Variants in RGS6 observed in about 807,000 individuals in gnomAD.
RGS6 encodes the protein regulator of G-protein signaling 6.
Under a neutral mutation model 78.5 loss-of-function variants are expected in RGS6, and 30 were observed. That is an observed-to-expected ratio of 0.38 (90% CI 0.29 to 0.52). The LOEUF (loss-of-function observed/expected upper bound fraction) is 0.52, where lower values mean the gene tolerates loss of function less well. RGS6 is among the 20% of genes least tolerant of loss of function. RGS6 has a pLI of 0.85. For synonymous variants in RGS6, 206 were observed against 206.0 expected, an observed-to-expected ratio of 1.00 and a Z score of 0.00; for missense variants, 495 against 609.7, an observed-to-expected ratio of 0.81 and a Z score of 1.98.
intron 2 of RGS6, among the ~76,000 whole-genome samples, chr14:72,204,242 T>C (rs73299145): frequency 0.026 from 4,008 of 152,312 alleles, 83 homozygotes; most frequent in Middle Eastern, 0.11. Context: ...AACTTGAAGC[T>C]ACAGTGTTTT....
intron 15 of RGS6, among the ~76,000 whole-genome samples, chr14:72,526,888 G>A (rs183649922): frequency 1.4e-4 from 21 of 152,328 alleles, no homozygotes; most frequent in South Asian, 6.2e-4. Flanking sequence ...TGCAAGAACC[G>A]TGCTGAAGAA....
At chr14:71,875,875 T>C in the RGS6 span, among the ~76,000 whole-genome samples, 27 of 152,338 alleles carry the variant, frequency 1.8e-4, no homozygotes, top group African/African-American at 6.3e-4. Context: ...AAAGAACATC[T>C]TTATTTCTGC....
At chr14:72,167,610 T>A (rs536442666) in intron 2 of RGS6, among the ~76,000 whole-genome samples, 3 of 152,340 alleles carry the variant, frequency 2.0e-5, no homozygotes, top group South Asian at 2.1e-4. Flanking sequence ...CAGATAATAC[T>A]TTTTGATCTT....
intron 1 of RGS6, among the ~76,000 whole-genome samples, chr14:71,942,703 G>C (rs549580039): frequency 6.6e-6 from 1 of 152,294 alleles, no homozygotes; most frequent in South Asian, 2.1e-4. Context: ...AAATACCCCA[G>C]TTAGAACTTT....
rs559441537 is a variant in RGS6 at position 71,982,460 on chromosome 14, TAATC to T, written c.84+17588_84+17591del. On this transcript the variant is annotated intron_variant, in intron 2 of 17. Transcript: ENST00000553525. ...CAGTCAAAATAGGAATGGATTACCT[TAATC>T]AAGTCAGACACAAAGATTACTTGTA... 6.6e-4 allele frequency among the ~76,000 whole-genome samples: 100 copies of T among 152,358 alleles called. 4 individuals are homozygous for T. The South Asian group carries it at 0.02, about 31-fold the overall frequency.
intron 2 of RGS6, among the ~76,000 whole-genome samples, chr14:72,237,571 C>T (rs534123558): frequency 7.9e-4 from 120 of 152,294 alleles, no homozygotes; most frequent in Non-Finnish European, 1.0e-3. Flanking sequence ...ATTACATAAT[C>T]GCTAATTGTT....
chr14:72,178,760 A>T (rs2097137769), intron 2 of RGS6, among the ~76,000 whole-genome samples: 1 of 152,138 alleles, frequency 6.6e-6, no homozygotes, highest in Admixed American at 6.5e-5. Flanking sequence ...GACAAAACAG[A>T]GTGTTAGTAG....
chr14:71,890,686 A>G, the RGS6 span, among the ~76,000 whole-genome samples: 1 of 152,188 alleles, frequency 6.6e-6, no homozygotes, highest in East Asian at 1.9e-4. Context: ...TTTCCTCTGT[A>G]GTAACTTACC....
chr14:72,415,341 G>T (rs183473967), intron 3 of RGS6, among the ~76,000 whole-genome samples: 201 of 152,370 alleles, frequency 1.3e-3, no homozygotes, highest in Non-Finnish European at 2.2e-3. Flanking sequence ...CTCCAAGCCA[G>T]GTGCAGGATA....
chr14:72,542,820 G>A (rs2097344044), intron 17 of RGS6, among the ~76,000 whole-genome samples: 1 of 152,180 alleles, frequency 6.6e-6, no homozygotes, highest in Non-Finnish European at 1.5e-5. Flanking sequence ...TTCTTTCCAA[G>A]TCTTATGTTG....
chr14:72,190,768 T>C (rs2238248), intron 2 of RGS6, among the ~76,000 whole-genome samples: 23,711 of 152,204 alleles, frequency 0.16, 1,914 homozygotes, highest in South Asian at 0.2. Context: ...TTACAACAGG[T>C]TGTGCAGCCC....
In RGS6 at chr14:72,325,241, T is replaced by A. The variant is rs527333977; in HGVS notation, c.85-26854T>A. 1.3e-4 allele frequency among the ~76,000 whole-genome samples: 20 copies of A among 152,364 alleles called. 1 individual carries two copies. Among genetic ancestry groups the A allele is most frequent in the Non-Finnish European group, 2.5e-4 (17 of 68,036 alleles). Reference sequence around the variant, plus strand: ...TAAATTTGTTTAAGTTCTTTGTAGATTCTGGATATTAGCCCTTTGTCAGAT... The same window carrying A: ...TAAATTTGTTTAAGTTCTTTGTAGAATCTGGATATTAGCCCTTTGTCAGAT... On this transcript the variant is annotated intron_variant, in intron 2 of 17. Transcript: ENST00000553525.
chr14:72,310,670 G>C (rs974789483), intron 2 of RGS6, among the ~76,000 whole-genome samples: 1 of 152,200 alleles, frequency 6.6e-6, no homozygotes, highest in Non-Finnish European at 1.5e-5. Flanking sequence ...GGATTCTGCA[G>C]TGAAGGCTGG....
At chr14:72,136,714 A>G (rs923652737) in intron 2 of RGS6, among the ~76,000 whole-genome samples, 3 of 152,188 alleles carry the variant, frequency 2.0e-5, no homozygotes, top group Admixed American at 6.5e-5. Context: ...CAGCCAAACC[A>G]TATCAAAACT....
chr14:72,047,880 T>C (rs1332491074), intron 2 of RGS6, among the ~76,000 whole-genome samples: 1 of 146,210 alleles, frequency 6.8e-6, no homozygotes. Flanking sequence ...CATGTGCCAC[T>C]ATGCCCAGCT....
intron 2 of RGS6, among the ~76,000 whole-genome samples, chr14:72,185,197 T>G (rs1487033816): frequency 2.0e-5 from 3 of 152,130 alleles, no homozygotes; most frequent in Admixed American, 6.5e-5. Flanking sequence ...ATTCTGGCTG[T>G]GCTGGCAGTT....
chr14:72,562,401 C>G lies in RGS6; in HGVS notation c.1423-16C>G. The stretch of plus-strand genomic sequence containing the variant: ...TGTGCGCCTGTGCGTGCCTCTCTGT[C>G]GCTGTCTCTCTGCAGGGAAAGTCGC... On this transcript the variant is annotated splice_polypyrimidine_tract_variant and intron_variant, in intron 17 of 17. Transcript: ENST00000553525. 1 of 1,611,536 alleles carries G rather than the reference C, an allele frequency of 6.2e-7. No homozygotes were observed. Among genetic ancestry groups the G allele is most frequent in the Non-Finnish European group, 8.5e-7 (1 of 1,179,492 alleles).
chr14:71,870,794 T>C, the RGS6 span, among the ~76,000 whole-genome samples: 101 of 152,046 alleles, frequency 6.6e-4, no homozygotes, highest in Non-Finnish European at 1.2e-3. Flanking sequence ...TCCCTCCCAG[T>C]GTGGGCCCAG....
intron 13 of RGS6, among the ~76,000 whole-genome samples, chr14:72,509,672 T>C (rs1293459224): frequency 1.3e-5 from 2 of 152,228 alleles, no homozygotes; most frequent in Admixed American, 1.3e-4. Context: ...ACTCTGGATG[T>C]GTCAATACAT....
Sources: allele counts gnomAD v4.1 joint callset (sites outside exome capture counted in the v4.1 genomes callset), GRCh38; gene constraint gnomAD v4.1.1; transcripts MANE v1.5; gene names NCBI Gene and HGNC (gene_info 2026-07-23, HGNC 2026-07-21).